The following RIMS2 variants were observed in gnomAD, a reference collection of about 807,000 sequenced individuals.
RIMS2 encodes regulating synaptic membrane exocytosis 2.
In RIMS2, 59 loss-of-function variants were observed where a neutral mutation model predicts 174.4. The observed-to-expected ratio is 0.34, with a 90% CI of 0.27 to 0.42. The LOEUF (loss-of-function observed/expected upper bound fraction) is 0.42. Among genes scored for constraint, RIMS2 ranks in the 10% least tolerant of loss-of-function variants. The pLI, the probability that RIMS2 is intolerant of heterozygous loss-of-function variation, is 1.00. For synonymous variants in RIMS2, 606 were observed against 572.5 expected, an observed-to-expected ratio of 1.06 and a Z score of -0.84; for missense variants, 1,620 against 1,666.3, an observed-to-expected ratio of 0.97 and a Z score of 0.48.
intron 4 of RIMS2, among the ~76,000 whole-genome samples, chr8:103,908,230 A>T (rs574324675): frequency 1.3e-5 from 2 of 151,796 alleles, no homozygotes. Context: ...TTTAGTAGAG[A>T]TGGGACTTTA....
At position 103,662,672 on chromosome 8, in the gene RIMS2, G is replaced by GTCTATCTA. The variant is rs61138262; in HGVS notation, c.177-34372_177-34365dup. On this transcript the variant is annotated intron_variant, in intron 1 of 23. Transcript: ENST00000504942. ...ACCTTTTCCCTTTGGAGTCAGAAGA[G>GTCTATCTA]TCTATCTATCTATCTATCTATCTAT... is the stretch of plus-strand genomic sequence containing the variant. 3.4e-3 allele frequency among the ~76,000 whole-genome samples: 508 copies of GTCTATCTA among 149,668 alleles called. 2 individuals carry two copies. The highest frequency in any genetic ancestry group is 4.5e-3 in the South Asian group (21 of 4,674).
chr8:103,785,408 G>T (rs1393967714), intron 3 of RIMS2, among the ~76,000 whole-genome samples: 1 of 151,424 alleles, frequency 6.6e-6, no homozygotes, highest in Non-Finnish European at 1.5e-5. Context: ...CTGTGGGTTT[G>T]TCATAGATAG....
At chr8:103,787,098 G>A (rs1245299350) in intron 3 of RIMS2, among the ~76,000 whole-genome samples, 6 of 145,982 alleles carry the variant, frequency 4.1e-5, no homozygotes, top group South Asian at 2.3e-4. Context: ...TGCAACCCCT[G>A]CCTTTTTTTG....
intron 1 of RIMS2, among the ~76,000 whole-genome samples, chr8:103,543,630 A>G (rs914308930): frequency 1.3e-5 from 2 of 152,216 alleles, no homozygotes; most frequent in Admixed American, 1.3e-4. Flanking sequence ...CCAAAACAGC[A>G]TGGTACTATA....
intron 19 of RIMS2, among the ~76,000 whole-genome samples, chr8:104,153,303 G>T (rs2098701535): frequency 6.6e-6 from 1 of 152,188 alleles, no homozygotes; most frequent in Non-Finnish European, 1.5e-5. Context: ...CTTACTCTGG[G>T]TTATATATTA....
At chr8:103,897,300 AGGGCT>A (rs1310277578) in intron 4 of RIMS2, among the ~76,000 whole-genome samples, 1 of 151,660 alleles carries the variant, frequency 6.6e-6, no homozygotes, top group Non-Finnish European at 1.5e-5. Flanking sequence ...ACTCTTGAAT[AGGGCT>A]GTGGTACAGC....
chr8:103,798,584 A>T (rs1291531018), intron 3 of RIMS2, among the ~76,000 whole-genome samples: 2 of 152,192 alleles, frequency 1.3e-5, no homozygotes, highest in Non-Finnish European at 2.9e-5. Context: ...CCACTTAAAT[A>T]TATATCTTTG....
intron 19 of RIMS2, among the ~76,000 whole-genome samples, chr8:104,148,139 C>A: frequency 6.7e-6 from 1 of 149,982 alleles, no homozygotes. Context: ...CTTACAGGGC[C>A]ACTCTTGAAA....
At chr8:103,508,683 C>T (rs1824933137) in intron 1 of RIMS2, among the ~76,000 whole-genome samples, 1 of 151,958 alleles carries the variant, frequency 6.6e-6, no homozygotes, top group Non-Finnish European at 1.5e-5. Flanking sequence ...TCTGTTGGAA[C>T]AAAAACCACT....
At chr8:103,831,530 C>T (rs1327164555) in intron 3 of RIMS2, among the ~76,000 whole-genome samples, 1 of 152,174 alleles carries the variant, frequency 6.6e-6, no homozygotes, top group Non-Finnish European at 1.5e-5. Context: ...CTTCTCTGGA[C>T]ACAGAGGAGC....
chr8:103,839,233 T>C (rs1018835562), intron 3 of RIMS2, among the ~76,000 whole-genome samples: 3 of 152,234 alleles, frequency 2.0e-5, no homozygotes, highest in Non-Finnish European at 2.9e-5. Flanking sequence ...CTATTGACTT[T>C]TTGTTCTCAT....
intron 10 of RIMS2, chr8:103,927,743 T>C: frequency 1.3e-6 from 1 of 744,916 alleles, no homozygotes; most frequent in South Asian, 1.6e-5. Flanking sequence ...ATTTAAGGGA[T>C]AGTTGTATGT....
At chr8:103,858,843 C>G (rs796359408) in intron 3 of RIMS2, among the ~76,000 whole-genome samples, 1 of 151,852 alleles carries the variant, frequency 6.6e-6, no homozygotes, top group African/African-American at 2.4e-5. Context: ...TCTTCATTTT[C>G]TAGTCTGAGC....
chr8:103,766,341 C>G, exon 3 of RIMS2: 1 of 1,613,310 alleles, frequency 6.2e-7, no homozygotes, highest in Non-Finnish European at 8.5e-7. Flanking sequence ...AAAGGTTCTT[C>G]GAGGGCTAAG....
At chr8:103,908,119 G>T (rs1461167745) in intron 4 of RIMS2, among the ~76,000 whole-genome samples, 1 of 151,918 alleles carries the variant, frequency 6.6e-6, no homozygotes, top group African/African-American at 2.4e-5. Flanking sequence ...TCAGCTCACT[G>T]CAACCTCCGC....
intron 1 of RIMS2, among the ~76,000 whole-genome samples, chr8:103,596,566 C>G (rs1257998709): frequency 6.6e-6 from 1 of 152,016 alleles, no homozygotes; most frequent in Non-Finnish European, 1.5e-5. Context: ...CTATTTGAAA[C>G]TATATGTTAT....
intron 14 of RIMS2, among the ~76,000 whole-genome samples, chr8:103,947,760 G>A (rs574064994): frequency 8.5e-5 from 13 of 152,126 alleles, no homozygotes; most frequent in African/African-American, 2.4e-4. Context: ...TATAAACATC[G>A]AACACTTAGG....
At chr8:104,047,475 G>C (rs371881102) in intron 19 of RIMS2, among the ~76,000 whole-genome samples, 125 of 152,114 alleles carry the variant, frequency 8.2e-4, no homozygotes, top group African/African-American at 2.8e-3. Context: ...CCATGATCTT[G>C]TGAAAGTTAC....
chr8:103,906,382 C>A (rs1245688638), intron 4 of RIMS2, among the ~76,000 whole-genome samples: 1 of 151,974 alleles, frequency 6.6e-6, no homozygotes, highest in Admixed American at 6.6e-5. Context: ...GTAGCTGGGA[C>A]TGGGAGCTAC....
Sources: allele counts gnomAD v4.1 joint callset (sites outside exome capture counted in the v4.1 genomes callset), GRCh38; gene constraint gnomAD v4.1.1; transcripts MANE v1.5; gene names NCBI Gene and HGNC (gene_info 2026-07-23, HGNC 2026-07-21).